CACNA1C: variants seen among roughly 807,000 people sequenced by gnomAD.
CACNA1C encodes the protein voltage-dependent L-type calcium channel subunit alpha-1C.
In CACNA1C, 30 loss-of-function variants were observed where a neutral mutation model predicts 229.0. The ratio of observed to expected loss-of-function variants is 0.13; its 90% CI spans 0.10 to 0.18. CACNA1C has a LOEUF of 0.18. Among genes scored for constraint, CACNA1C ranks in the 10% least tolerant of loss-of-function variants. The pLI is 1.00. For missense variants in CACNA1C, 1,658 were observed against 2,845.0 expected, an observed-to-expected ratio of 0.58 and a Z score of 9.49; for synonymous variants, 1,114 against 1,132.5, an observed-to-expected ratio of 0.98 and a Z score of 0.33.
chr12:2,272,272 C>T (rs986747459), intron 3 of CACNA1C, among the ~76,000 whole-genome samples: 1 of 152,170 alleles, frequency 6.6e-6, no homozygotes, highest in South Asian at 2.1e-4. Flanking sequence ...CTCTGCCTTA[C>T]CCTGCCTGAA....
chr12:2,191,579 A>G (rs908648536), intron 3 of CACNA1C, among the ~76,000 whole-genome samples: 9 of 152,004 alleles, frequency 5.9e-5, no homozygotes, highest in African/African-American at 2.2e-4. Context: ...CATGTACTCA[A>G]GCATACACAC....
intron 3 of CACNA1C, among the ~76,000 whole-genome samples, chr12:2,387,429 G>A (rs1189057300): frequency 1.3e-5 from 2 of 152,060 alleles, no homozygotes; most frequent in East Asian, 3.9e-4. Flanking sequence ...GGGTTGCAGT[G>A]AGCCGAGATT....
intron 5 of CACNA1C, among the ~76,000 whole-genome samples, chr12:2,482,280 G>A (rs927643005): frequency 6.6e-6 from 1 of 152,254 alleles, no homozygotes; most frequent in Non-Finnish European, 1.5e-5. Context: ...CCCAGCAGAT[G>A]CTGCAAGCAC....
intron 3 of CACNA1C, among the ~76,000 whole-genome samples, chr12:2,243,031 G>A (rs896451389): frequency 1.3e-5 from 2 of 152,174 alleles, no homozygotes; most frequent in Non-Finnish European, 2.9e-5. Context: ...GTGTGGTTTG[G>A]TGTTTTGTTT....
intron 9 of CACNA1C, among the ~76,000 whole-genome samples, chr12:2,518,222 G>A (rs1359700953): frequency 3.3e-5 from 5 of 152,086 alleles, no homozygotes; most frequent in East Asian, 1.9e-4. Context: ...CCCACGATAG[G>A]GCCCCATGTG....
Position 2,601,984 on chromosome 12 carries a change from C to T in CACNA1C, c.2960+24C>T, listed in dbSNP as rs1438503617. 8.2e-6 allele frequency: 12 copies of T among 1,461,956 alleles called. No individual in the cohort carries two copies. The highest frequency in any genetic ancestry group is 1.2e-5 in the Non-Finnish European group (12 of 1,041,182). The allele number at this position is 1,461,956 out of a possible 1,614,324, so 90.6% of individuals were successfully genotyped here. A position where few individuals can be genotyped will look rare whatever the true frequency, so the allele number is the denominator to read the frequency against. Reference sequence around the variant, plus strand: ...CAGTGAGTGGGAGCCCCTCAGCCCACGATGGGCCATGCAGCTAGCAAGGGG... The same window carrying T: ...CAGTGAGTGGGAGCCCCTCAGCCCATGATGGGCCATGCAGCTAGCAAGGGG... On this transcript the variant is annotated intron_variant, in intron 22 of 46. Coordinates refer to ENST00000399655, the MANE Select transcript of CACNA1C (RefSeq NM_000719.7). The surrounding 1 kb of genome is among the most constrained non-coding windows in gnomAD (Gnocchi z 5.9).
intron 21 of CACNA1C, among the ~76,000 whole-genome samples, chr12:2,600,712 G>A (rs2071588685): frequency 6.6e-6 from 1 of 152,202 alleles, no homozygotes; most frequent in Admixed American, 6.5e-5. Context: ...AGCAGTCATC[G>A]TCATCTTGTG....
At chr12:2,336,767 G>A (rs1297838784) in intron 3 of CACNA1C, among the ~76,000 whole-genome samples, 3 of 152,126 alleles carry the variant, frequency 2.0e-5, no homozygotes, top group Admixed American at 6.5e-5. Flanking sequence ...AAGGCATCTG[G>A]GCGGAGGTTT....
intron 3 of CACNA1C, among the ~76,000 whole-genome samples, chr12:2,326,149 G>A (rs967165443): frequency 3.9e-5 from 6 of 152,080 alleles, no homozygotes; most frequent in Admixed American, 6.5e-5. Context: ...AAGGAGGCAG[G>A]GAGAGAAAAA....
Position 2,592,159 on chromosome 12 carries a change from C to G in CACNA1C, c.2531-1054C>G, listed in dbSNP as rs577931425. Among the ~76,000 whole-genome samples, 16 of 152,250 alleles carry G rather than the reference C, an allele frequency of 1.1e-4. No individual in the cohort carries two copies. The South Asian group carries it at 3.3e-3, about 32-fold the overall frequency. ...CAGAAAATAGTTTCGTGTGAGTGGACAGTTTGTTAGGGAATAATAGGTGGT... is the reference window on the plus strand; with the variant it reads ...CAGAAAATAGTTTCGTGTGAGTGGAGAGTTTGTTAGGGAATAATAGGTGGT... On this transcript the variant is annotated intron_variant, in intron 18 of 46. Transcript: ENST00000399655.
At chr12:2,563,251 T>C (rs1401622172) in intron 11 of CACNA1C, among the ~76,000 whole-genome samples, 1 of 152,268 alleles carries the variant, frequency 6.6e-6, no homozygotes, top group East Asian at 1.9e-4. Flanking sequence ...ATTGTGTACA[T>C]GTACCACATT....
chr12:2,497,989 A>G (rs934490938), intron 7 of CACNA1C, among the ~76,000 whole-genome samples: 1 of 151,944 alleles, frequency 6.6e-6, no homozygotes, highest in African/African-American at 2.4e-5. Flanking sequence ...ACACACACAC[A>G]CACACACACA....
At chr12:2,192,064 GCA>G (rs921611686) in intron 3 of CACNA1C, among the ~76,000 whole-genome samples, 1 of 151,212 alleles carries the variant, frequency 6.6e-6, no homozygotes, top group African/African-American at 2.4e-5. Context: ...ACACACTCAG[GCA>G]CAGACACACA....
intron 3 of CACNA1C, among the ~76,000 whole-genome samples, chr12:2,420,145 GTGTA>G (rs2098963232): frequency 6.7e-6 from 1 of 150,180 alleles, no homozygotes; most frequent in Non-Finnish European, 1.5e-5. Context: ...GTGTGTGTGT[GTGTA>G]GGGGGAGGGA....
intron 3 of CACNA1C, among the ~76,000 whole-genome samples, chr12:2,380,749 C>G (rs1264661676): frequency 2.0e-5 from 3 of 152,238 alleles, no homozygotes; most frequent in Admixed American, 2.0e-4. Flanking sequence ...CTTCCCCATG[C>G]CTGTGATCTC....
chr12:2,106,552 T>G (rs1409037685), intron 1 of CACNA1C, among the ~76,000 whole-genome samples: 1 of 115,688 alleles, frequency 8.6e-6, no homozygotes, highest in Admixed American at 8.3e-5. Flanking sequence ...GGAGAGGGTT[T>G]CCACCTCAGC....
intron 9 of CACNA1C, among the ~76,000 whole-genome samples, chr12:2,521,807 C>G (rs1392650263): frequency 6.6e-6 from 1 of 152,190 alleles, no homozygotes; most frequent in Non-Finnish European, 1.5e-5. Context: ...CAGCCCCGTT[C>G]CCACGCAACC....
intron 1 of CACNA1C, among the ~76,000 whole-genome samples, chr12:2,083,626 A>G (rs960979615): frequency 1.3e-5 from 2 of 152,248 alleles, no homozygotes; most frequent in African/African-American, 4.8e-5. Flanking sequence ...AGAATTTATG[A>G]TACTGAAGAA....
At chr12:2,297,176 C>T (rs1227273421) in intron 3 of CACNA1C, among the ~76,000 whole-genome samples, 1 of 152,228 alleles carries the variant, frequency 6.6e-6, no homozygotes, top group Non-Finnish European at 1.5e-5. Flanking sequence ...TGTCAGCCTA[C>T]CGTCCACATT....
Sources: allele counts gnomAD v4.1 joint callset (sites outside exome capture counted in the v4.1 genomes callset), GRCh38; gene constraint gnomAD v4.1.1; non-coding constraint Gnocchi (gnomAD v3.1); transcripts MANE v1.5; gene names NCBI Gene and HGNC (gene_info 2026-07-23, HGNC 2026-07-21).